NOD1: variants seen among roughly 807,000 people sequenced by gnomAD.
The protein encoded by NOD1 is nucleotide binding oligomerization domain containing 1.
A neutral mutation model predicts 81.2 loss-of-function variants in NOD1; 70 were observed. That is an observed-to-expected ratio of 0.86 (90% confidence interval 0.71 to 1.05). The LOEUF (loss-of-function observed/expected upper bound fraction) is 1.05, where lower values mean the gene tolerates loss of function less well. Ranked by LOEUF, NOD1 falls within the 50% of genes least tolerant of loss-of-function variation. The pLI, the probability that NOD1 is intolerant of heterozygous loss-of-function variation, is 0.00. For synonymous variants in NOD1, 508 were observed against 526.9 expected (o/e 0.96, Z 0.49); for missense variants, 1,233 against 1,228.0 (o/e 1.00, Z -0.06).
At position 30,437,591 on chromosome 7, in the gene NOD1, G is replaced by A. The variant is rs1326561072; in HGVS notation, c.2519C>T (p.Pro840Leu). The change falls in exon 10 of 14, where the codon CCC becomes CTC. Residue 840 changes from proline (P) to leucine (L), a missense_variant. Coordinates refer to ENST00000222823, the MANE Select transcript of NOD1 (RefSeq NM_006092.4). The part of the protein sequence containing the change: ...KAFAEALRNH[P>L]SLTTLSLASN... ...CAGTTACCTCAGGGTGGTCAAGCTGGGGTGGTTCCGCAGAGCCTCTGCGAA... is the reference window on the plus strand; with the variant it reads ...CAGTTACCTCAGGGTGGTCAAGCTGAGGTGGTTCCGCAGAGCCTCTGCGAA... 2 of 1,508,238 alleles carry A rather than the reference G, an allele frequency of 1.3e-6. No homozygotes were observed. The highest frequency in any genetic ancestry group is 1.8e-6 in the Non-Finnish European group (2 of 1,141,010). The allele number at this position is 1,508,238 out of a possible 1,614,324, so 93.4% of individuals were successfully genotyped here.
At chr7:30,462,263 G>C (rs1787171153) in intron 1 of NOD1, among the ~76,000 whole-genome samples, 1 of 152,124 alleles carries the variant, frequency 6.6e-6, no homozygotes, top group Admixed American at 6.5e-5. Context: ...GTTGATGTTT[G>C]GTGAGTCAGG....
intron 1 of NOD1, chr7:30,460,596 GAAC>G (rs1477672095): frequency 2.4e-5 from 24 of 985,302 alleles, no homozygotes; most frequent in Non-Finnish European, 2.9e-5. Context: ...ACACACCGCA[GAAC>G]AAAAGATGGA....
intron 5 of NOD1, 103 bp from the exon 6 acceptor site, chr7:30,453,143 A>C: frequency 7.6e-7 from 1 of 1,315,146 alleles, no homozygotes; most frequent in Non-Finnish European, 1.0e-6. Context: ...GCATAAACAA[A>C]ATTCACAACC....
Position 30,451,142 on chromosome 7 carries a change from T to C in NOD1, c.2201+74A>G. The C allele has an allele frequency of 2.0e-6, 3 of 1,508,098 alleles. No individual in the cohort carries two copies. The highest frequency in any genetic ancestry group is 1.9e-5 in the Admixed American group (1 of 52,048). The allele number at this position is 1,508,098 out of a possible 1,614,324, so 93.4% of individuals were successfully genotyped here. A position where few individuals can be genotyped will look rare whatever the true frequency, so the allele number is the denominator to read the frequency against. ...ATGAGTCCTGGGGGATCCTGGTCCA[T>C]GATGCCATTCCCGATGCCCTCCGAG... is the stretch of plus-strand genomic sequence containing the variant. On this transcript the variant is annotated intron_variant, in intron 6 of 13. Transcript: ENST00000222823. The surrounding 1 kb of genome is among the most constrained non-coding windows in gnomAD (Gnocchi z 4.2).
intron 12 of NOD1, among the ~76,000 whole-genome samples, chr7:30,432,612 CAT>C (rs1784043118): frequency 6.6e-6 from 1 of 152,162 alleles, no homozygotes; most frequent in African/African-American, 2.4e-5. Context: ...GAGATGAAAA[CAT>C]ATGTTCACCC....
Position 30,452,420 on chromosome 7 carries a change from G to C in NOD1, c.997C>G (p.Arg333Gly). Residue 333 changes from arginine to glycine, a missense_variant, in exon 6 of 14, where the codon CGC becomes GGC. Arg to Gly is a moderately radical substitution (Grantham distance 125, BLOSUM62 -2). Coordinates refer to ENST00000222823, the MANE Select transcript of NOD1 (RefSeq NM_006092.4). ...TGGCGCGGGACCTCGATGCCTGTGC[G>C]GGCTGTGAGCAGCTTGCTAGCCCCC... is the stretch of plus-strand genomic sequence containing the variant. ...LKGASKLLTA[R>G]TGIEVPRQFL... The C allele has an allele frequency of 6.2e-7, 1 of 1,613,370 alleles. No homozygotes were observed. Among genetic ancestry groups the C allele is most frequent in the Non-Finnish European group, 8.5e-7 (1 of 1,180,008 alleles).
chr7:30,447,202 C>T (rs574674020), intron 7 of NOD1, 152 bp from the exon 8 acceptor site: 13 of 1,320,706 alleles, frequency 9.8e-6, no homozygotes, highest in Non-Finnish European at 1.3e-5. Flanking sequence ...TGAGGTCTCA[C>T]AGCTCAGGTT....
chr7:30,462,348 C>T (rs922615021), intron 1 of NOD1, among the ~76,000 whole-genome samples: 4 of 151,804 alleles, frequency 2.6e-5, no homozygotes, highest in Admixed American at 2.6e-4. Context: ...TATGTGTCAA[C>T]AGACTCTGAA....
intron 1 of NOD1, among the ~76,000 whole-genome samples, chr7:30,476,811 C>T (rs886199925): frequency 3.9e-5 from 6 of 152,186 alleles, no homozygotes; most frequent in Admixed American, 6.5e-5. Flanking sequence ...ACTTAAAGCC[C>T]GCTAAGGCCC....
intron 3 of NOD1, among the ~76,000 whole-genome samples, chr7:30,458,192 C>T (rs951156695): frequency 1.3e-5 from 2 of 152,136 alleles, no homozygotes; most frequent in African/African-American, 4.8e-5. Flanking sequence ...CACTACCTTC[C>T]TTGTAACAAT....
intron 1 of NOD1, among the ~76,000 whole-genome samples, chr7:30,469,939 G>C (rs1387978355): frequency 6.6e-6 from 1 of 152,192 alleles, no homozygotes; most frequent in Non-Finnish European, 1.5e-5. Flanking sequence ...GAAAAGGGTA[G>C]GGTTCCCACC....
chr7:30,435,331 AGAG>A (rs1399057114), intron 11 of NOD1, among the ~76,000 whole-genome samples: 2 of 152,082 alleles, frequency 1.3e-5, no homozygotes, highest in Non-Finnish European at 1.5e-5. Context: ...AGGCAGATGA[AGAG>A]GAGGAAGGGA....
At position 30,452,545 on chromosome 7, in the gene NOD1, G is replaced by A. The variant is rs200610248; in HGVS notation, c.872C>T (p.Ser291Leu). The A allele has an allele frequency of 3.3e-5, 54 of 1,613,192 alleles. No homozygotes were observed. The highest frequency in any genetic ancestry group is 4.6e-5 in the Non-Finnish European group (54 of 1,179,976). Residue 291 changes from serine (S) to leucine (L), a missense_variant, in exon 6 of 14, where the codon TCG becomes TTG. Transcript: ENST00000222823. ...AGGCACGCGGCTCAGGTCCAAGTCC[G>A]AGTGCAGCTCGTCCAGGCCATCGAA... ...FTFDGLDELH[S>L]DLDLSRVPDS...
intron 11 of NOD1, chr7:30,433,383 T>C (rs1784114920): frequency 3.6e-6 from 2 of 556,944 alleles, no homozygotes; most frequent in Admixed American, 3.5e-5. Context: ...GCAAATCCTG[T>C]ACCTGGGCTC....
intron 9 of NOD1, 90 bp from the exon 10 acceptor site, chr7:30,437,746 C>A (rs2128011023): frequency 1.2e-6 from 1 of 841,364 alleles, no homozygotes. Context: ...CAGCTCAGTT[C>A]CTACTCAACA....
At chr7:30,470,853 C>T (rs1323878967) in intron 1 of NOD1, among the ~76,000 whole-genome samples, 1 of 152,176 alleles carries the variant, frequency 6.6e-6, no homozygotes, top group Non-Finnish European at 1.5e-5. Flanking sequence ...AAACCGGTTT[C>T]CTGGAACTCC....
chr7:30,459,727 A>T (rs1284678820), intron 2 of NOD1, among the ~76,000 whole-genome samples, 174 bp downstream of exon 2: 2 of 152,220 alleles, frequency 1.3e-5, no homozygotes, highest in African/African-American at 4.8e-5. Context: ...TCTCTTTAAG[A>T]TCATCACAAG....
chr7:30,456,280 G>A (rs771522487), intron 4 of NOD1, among the ~76,000 whole-genome samples: 3 of 152,158 alleles, frequency 2.0e-5, no homozygotes, highest in Admixed American at 6.5e-5. Context: ...ACAGTGGAGC[G>A]GGGAAGATTC....
intron 1 of NOD1, among the ~76,000 whole-genome samples, chr7:30,470,614 G>A (rs1044147251): frequency 1.3e-5 from 2 of 152,096 alleles, no homozygotes; most frequent in Non-Finnish European, 2.9e-5. Context: ...ATTTATCTTC[G>A]CTGCTGTCTT....
Sources: allele counts gnomAD v4.1 joint callset (sites outside exome capture counted in the v4.1 genomes callset), GRCh38; gene constraint gnomAD v4.1.1; non-coding constraint Gnocchi (gnomAD v3.1); transcripts MANE v1.5; gene names NCBI Gene and HGNC (gene_info 2026-07-23, HGNC 2026-07-21).